The following KCND3 variants were observed in gnomAD, a reference collection of about 807,000 sequenced individuals.
The protein encoded by KCND3 is potassium voltage-gated channel subfamily D member 3.
KCND3 carries 9 observed loss-of-function variants against 51.1 expected under a neutral mutation model. The observed-to-expected ratio is 0.18, with a 90% CI of 0.11 to 0.31. The LOEUF (loss-of-function observed/expected upper bound fraction) is 0.31, where lower values mean the gene tolerates loss of function less well. KCND3 is among the 10% of genes least tolerant of loss of function. The pLI is 1.00. For missense variants in KCND3, 526 were observed against 903.8 expected, an observed-to-expected ratio of 0.58 and a Z score of 5.36; for synonymous variants, 349 against 368.0, an observed-to-expected ratio of 0.95 and a Z score of 0.59.
rs1348747644 is a variant in KCND3, at chr1:111,772,246, GTCT to G, written c.*3828_*3830del. On this transcript the variant is annotated 3_prime_UTR_variant, in exon 8 of 8. Coordinates refer to ENST00000302127, the MANE Select transcript of KCND3 (RefSeq NM_001378969.1). ...TATGCTTCAAAATGTCACTGTCCTAGTCTTCTCTTCATTGAGAAGAGAAAATAT... is the reference window on the plus strand; with the variant it reads ...TATGCTTCAAAATGTCACTGTCCTAGTCTCTTCATTGAGAAGAGAAAATAT... The G allele has an allele frequency of 1.3e-5, 2 of 152,028 alleles. No individual in the cohort carries two copies. The highest frequency in any genetic ancestry group is 2.4e-5 in the African/African-American group (1 of 41,512). 9.4% of individuals were successfully genotyped at this position (152,028 alleles called of 1,614,324 possible). A position where few individuals can be genotyped will look rare whatever the true frequency, so the allele number is the denominator to read the frequency against.
At chr1:111,815,131 C>T (rs1321235343) in intron 2 of KCND3, among the ~76,000 whole-genome samples, 1 of 152,096 alleles carries the variant, frequency 6.6e-6, no homozygotes, top group Non-Finnish European at 1.5e-5. Context: ...TCCTCAGAGC[C>T]TTGGTGGTAG....
At chr1:111,799,811 G>A (rs565189970) in intron 2 of KCND3, among the ~76,000 whole-genome samples, 14 of 152,222 alleles carry the variant, frequency 9.2e-5, no homozygotes, top group Admixed American at 1.3e-4. Flanking sequence ...AAAACGAGAC[G>A]GAGATGGAAG....
intron 2 of KCND3, among the ~76,000 whole-genome samples, chr1:111,797,011 T>G (rs1448365524): frequency 6.6e-6 from 1 of 152,240 alleles, no homozygotes; most frequent in Non-Finnish European, 1.5e-5. Context: ...ATGGCTGTCC[T>G]GGGTGACAGA....
chr1:111,870,151 A>G (rs899167391), intron 2 of KCND3, among the ~76,000 whole-genome samples: 2 of 152,204 alleles, frequency 1.3e-5, no homozygotes, highest in African/African-American at 4.8e-5. Flanking sequence ...TTTAAAGATG[A>G]AAAAACTGAA....
intron 2 of KCND3, among the ~76,000 whole-genome samples, chr1:111,963,290 AG>A (rs1163605598): frequency 2.5e-4 from 38 of 152,372 alleles, no homozygotes; most frequent in African/African-American, 7.9e-4. Flanking sequence ...GAATTGAAGA[AG>A]GAGCTAGAAA....
chr1:111,798,314 G>A (rs756699017), intron 2 of KCND3, among the ~76,000 whole-genome samples: 3 of 152,074 alleles, frequency 2.0e-5, no homozygotes, highest in Non-Finnish European at 2.9e-5. Context: ...TCTTTGCTAG[G>A]TAACTCAGAC....
chr1:111,851,880 G>T (rs891313028), intron 2 of KCND3, among the ~76,000 whole-genome samples: 1 of 152,210 alleles, frequency 6.6e-6, no homozygotes, highest in Non-Finnish European at 1.5e-5. Flanking sequence ...CTGCCCACTT[G>T]CTGAGGGCAG....
intron 2 of KCND3, among the ~76,000 whole-genome samples, chr1:111,874,310 T>C (rs1668955067): frequency 6.6e-6 from 1 of 152,222 alleles, no homozygotes; most frequent in African/African-American, 2.4e-5. Context: ...CATGGGGCTG[T>C]TTTAACAAAC....
intron 2 of KCND3, among the ~76,000 whole-genome samples, chr1:111,824,960 T>C (rs905246272): frequency 3.9e-5 from 6 of 152,182 alleles, no homozygotes; most frequent in Non-Finnish European, 8.8e-5. Context: ...ACTTGTTGTC[T>C]CAGTGATTGG....
chr1:111,983,327 C>T (rs1675077951), intron 1 of KCND3, among the ~76,000 whole-genome samples: 1 of 152,142 alleles, frequency 6.6e-6, no homozygotes, highest in Admixed American at 6.5e-5. Context: ...GAGGCTGGGG[C>T]TGCCCAAGTC....
intron 2 of KCND3, among the ~76,000 whole-genome samples, chr1:111,918,884 G>A (rs1671349715): frequency 6.6e-6 from 1 of 152,004 alleles, no homozygotes; most frequent in Non-Finnish European, 1.5e-5. Flanking sequence ...CCTAATGAAT[G>A]TTAAGATGAT....
At position 111,776,939 on chromosome 1, in the gene KCND3, C is replaced by T. The variant is rs1394236060; in HGVS notation, c.1766+87G>A. 6 of 1,592,432 alleles carry T rather than the reference C, an allele frequency of 3.8e-6. No individual in the cohort carries two copies. In the South Asian group the frequency reaches 4.6e-5, roughly 12 times the overall value. ...AGATAAGGGGAGCGGCTAGAGGATC[C>T]TCAAGGTTCTCCTAATGCTGCAATT... is the stretch of plus-strand genomic sequence containing the variant. On this transcript the variant is annotated intron_variant, in intron 7 of 7. Transcript: ENST00000302127.
intron 2 of KCND3, among the ~76,000 whole-genome samples, chr1:111,819,092 C>A (rs1011227521): frequency 2.6e-5 from 4 of 152,132 alleles, no homozygotes; most frequent in African/African-American, 4.8e-5. Flanking sequence ...CCCACCCAGG[C>A]CTTCTTGCTT....
chr1:111,804,395 G>T (rs1665466820), intron 2 of KCND3, among the ~76,000 whole-genome samples: 2 of 152,216 alleles, frequency 1.3e-5, no homozygotes, highest in Admixed American at 6.5e-5. Context: ...GCGACTGCAC[G>T]CATTTTATGT....
intron 2 of KCND3, among the ~76,000 whole-genome samples, chr1:111,831,081 T>A (rs1294538934): frequency 6.6e-6 from 1 of 152,226 alleles, no homozygotes; most frequent in African/African-American, 2.4e-5. Flanking sequence ...CCTGGAAGGT[T>A]TTCCACACTT....
intron 2 of KCND3, among the ~76,000 whole-genome samples, chr1:111,803,210 C>T (rs896038019): frequency 3.3e-5 from 5 of 152,194 alleles, no homozygotes; most frequent in South Asian, 2.1e-4. Context: ...TAGCCTTACC[C>T]GCCCCCACCC....
intron 2 of KCND3, among the ~76,000 whole-genome samples, chr1:111,901,056 T>C (rs1033366744): frequency 2.0e-5 from 3 of 152,242 alleles, no homozygotes; most frequent in Non-Finnish European, 4.4e-5. Context: ...AAAGAATTTA[T>C]CACAGCAATG....
intron 2 of KCND3, among the ~76,000 whole-genome samples, chr1:111,867,687 A>T (rs1668639453): frequency 6.6e-6 from 1 of 152,180 alleles, no homozygotes; most frequent in Admixed American, 6.5e-5. Context: ...ATGCACATCT[A>T]AGAGGGAGAA....
In KCND3 at chr1:111,772,725, C is replaced by A. The variant is rs1169003634; in HGVS notation, c.*3352G>T. 1 of 152,200 alleles carries A rather than the reference C, an allele frequency of 6.6e-6. No individual in the cohort carries two copies. Among genetic ancestry groups the A allele is most frequent in the Non-Finnish European group, 1.5e-5 (1 of 68,032 alleles). 9.4% of individuals were successfully genotyped at this position (152,200 alleles called of 1,614,324 possible). On this transcript the variant is annotated 3_prime_UTR_variant, in exon 8 of 8. Transcript: ENST00000302127. ...ATACTACATTTTCTAGGTTCACATT[C>A]ATTTGACATTTGAATGTAACTGTTA...
Sources: gnomAD v4.1 joint callset for allele counts (sites outside exome capture counted in the v4.1 genomes callset) on GRCh38, gnomAD v4.1.1 for gene constraint, MANE v1.5 for transcripts, NCBI Gene and HGNC (gene_info 2026-07-23, HGNC 2026-07-21) for gene names.